SNX2: variants seen among roughly 807,000 people sequenced by gnomAD.
SNX2 encodes sorting nexin 2, also known as sorting nexin-2.
A neutral mutation model predicts 69.9 loss-of-function variants in SNX2; 25 were observed. That is an observed-to-expected ratio of 0.36 (90% CI 0.26 to 0.50). SNX2 has a LOEUF of 0.50. Ranked by LOEUF, SNX2 falls within the 20% of genes least tolerant of loss-of-function variation. The probability of loss-of-function intolerance (pLI) is 0.97; values close to 1 mark genes in which losing one functional copy is unlikely to be tolerated. For missense variants in SNX2, 551 were observed against 613.3 expected (o/e 0.90, Z 1.07); for synonymous variants, 229 against 200.4 (o/e 1.14, Z -1.20).
intron 1 of SNX2, among the ~76,000 whole-genome samples, chr5:122,784,508 T>G (rs1356770806): frequency 1.3e-5 from 2 of 152,010 alleles, no homozygotes; most frequent in Non-Finnish European, 1.5e-5. Context: ...ATATTGATTT[T>G]TTTTTCTTTT....
At chr5:122,780,950 C>T (rs1051154650) in intron 1 of SNX2, among the ~76,000 whole-genome samples, 5 of 152,088 alleles carry the variant, frequency 3.3e-5, no homozygotes, top group Admixed American at 2.6e-4. Context: ...TACGAATTAT[C>T]TATGTTTCAG....
At chr5:122,797,924 C>T (rs553264729) in intron 2 of SNX2, among the ~76,000 whole-genome samples, 60 of 152,152 alleles carry the variant, frequency 3.9e-4, no homozygotes, top group African/African-American at 1.4e-3. Context: ...AATGAAGCAG[C>T]CTGTTAGTGT....
chr5:122,788,313 A>G (rs1025985856), intron 1 of SNX2, among the ~76,000 whole-genome samples: 12 of 152,084 alleles, frequency 7.9e-5, no homozygotes, highest in African/African-American at 1.4e-4. Flanking sequence ...TTTTTTCCCT[A>G]TAGCTTCCAT....
At chr5:122,810,077 G>A (rs1164166634) in intron 7 of SNX2, among the ~76,000 whole-genome samples, 1 of 150,664 alleles carries the variant, frequency 6.6e-6, no homozygotes, top group East Asian at 1.9e-4. Flanking sequence ...TTCTGCCTTG[G>A]GATCCTGTCG....
chr5:122,775,292 C>G (rs1752830900), intron 1 of SNX2, 81 bp downstream of exon 1: 1 of 1,467,134 alleles, frequency 6.8e-7, no homozygotes, highest in Non-Finnish European at 9.1e-7. Flanking sequence ...TGTCCCTCCC[C>G]ATCCCCCGTG....
intron 6 of SNX2, among the ~76,000 whole-genome samples, chr5:122,806,359 C>G (rs1387890839): frequency 1.3e-5 from 2 of 151,994 alleles, no homozygotes; most frequent in Admixed American, 6.6e-5. Flanking sequence ...CTTCTAATTA[C>G]ATAGCTGGTG....
At chr5:122,791,372 C>T (rs1434055274) in intron 1 of SNX2, among the ~76,000 whole-genome samples, 3 of 152,114 alleles carry the variant, frequency 2.0e-5, no homozygotes, top group Non-Finnish European at 2.9e-5. Context: ...GCCTCTGCCT[C>T]CCGGGTTCCA....
At chr5:122,778,537 C>T (rs1752903122) in intron 1 of SNX2, among the ~76,000 whole-genome samples, 1 of 151,968 alleles carries the variant, frequency 6.6e-6, no homozygotes, top group Non-Finnish European at 1.5e-5. Context: ...GAGACAGAGT[C>T]TCGCTCTGTC....
chr5:122,808,735 GGGGGGAAAAATAAAAATT>G (rs1753706047), intron 7 of SNX2: 1 of 157,796 alleles, frequency 6.3e-6, no homozygotes, highest in South Asian at 1.9e-4. Context: ...AGTTGTGAAT[GGGGGGAAAAATAAAAATT>G]TTTGGATGCA....
At chr5:122,822,645 C>T (rs930031686) in intron 11 of SNX2, among the ~76,000 whole-genome samples, 1 of 152,140 alleles carries the variant, frequency 6.6e-6, no homozygotes, top group African/African-American at 2.4e-5. Flanking sequence ...CTAAGCCTGG[C>T]GTTGTGTCAG....
At chr5:122,816,261 T>C (rs1753899141) in intron 8 of SNX2, among the ~76,000 whole-genome samples, 1 of 151,812 alleles carries the variant, frequency 6.6e-6, no homozygotes, top group African/African-American at 2.4e-5. Flanking sequence ...AGGCATCATG[T>C]TGAAATAAGT....
intron 1 of SNX2, among the ~76,000 whole-genome samples, chr5:122,779,943 C>T (rs573062262): frequency 4.9e-4 from 75 of 152,194 alleles, no homozygotes; most frequent in African/African-American, 1.7e-3. Flanking sequence ...GCACTTTAAA[C>T]AGTCTGAGGT....
chr5:122,787,038 GA>G (rs1281643582), intron 1 of SNX2, among the ~76,000 whole-genome samples: 2 of 152,188 alleles, frequency 1.3e-5, no homozygotes, highest in African/African-American at 4.8e-5. Context: ...TTCTGATCAT[GA>G]AGAACCTGTG....
At chr5:122,823,237 T>C (rs976387920) in intron 11 of SNX2, among the ~76,000 whole-genome samples, 1 of 152,246 alleles carries the variant, frequency 6.6e-6, no homozygotes, top group Non-Finnish European at 1.5e-5. Context: ...TTTAATTGAT[T>C]TAATATAGCA....
intron 1 of SNX2, among the ~76,000 whole-genome samples, chr5:122,787,399 A>T (rs911774303): frequency 2.0e-4 from 30 of 152,250 alleles, no homozygotes; most frequent in African/African-American, 7.2e-4. Context: ...GCATGCCTGT[A>T]GTTCCAGCTA....
chr5:122,821,487 G>A (rs1014572266), intron 11 of SNX2, among the ~76,000 whole-genome samples: 27 of 145,318 alleles, frequency 1.9e-4, no homozygotes, highest in Non-Finnish European at 3.0e-4. Flanking sequence ...ACGGAGACTC[G>A]CTCTGTCGCC....
chr5:122,783,361 A>G (rs571741404), intron 1 of SNX2, among the ~76,000 whole-genome samples: 4 of 152,318 alleles, frequency 2.6e-5, no homozygotes, highest in South Asian at 2.1e-4. Context: ...GATGTCACAT[A>G]TATGAAATCC....
chr5:122,804,365 C>CTTTT (rs1284102957), intron 6 of SNX2, among the ~76,000 whole-genome samples: 1 of 135,760 alleles, frequency 7.4e-6, no homozygotes, highest in Non-Finnish European at 1.6e-5. Context: ...AACATTTCTA[C>CTTTT]TTTTTTTTTT....
At chr5:122,776,395 A>G (rs1205011147) in intron 1 of SNX2, among the ~76,000 whole-genome samples, 2 of 152,068 alleles carry the variant, frequency 1.3e-5, no homozygotes, top group Non-Finnish European at 2.9e-5. Context: ...TTTCCTGATC[A>G]TCTTTGTGTC....
Sources: allele counts gnomAD v4.1 joint callset (sites outside exome capture counted in the v4.1 genomes callset), GRCh38; gene constraint gnomAD v4.1.1; transcripts MANE v1.5; gene names NCBI Gene and HGNC (gene_info 2026-07-23, HGNC 2026-07-21).